Variants in DNAH7 observed in about 807,000 individuals in gnomAD.
DNAH7 encodes the protein dynein axonemal heavy chain 7, also known as axonemal beta dynein heavy chain 7.
Under a neutral mutation model 444.6 loss-of-function variants are expected in DNAH7, and 397 were observed. The observed-to-expected ratio is 0.89, with a 90% CI of 0.82 to 0.97. The LOEUF is 0.97. Among genes scored for constraint, DNAH7 ranks in the 50% least tolerant of loss-of-function variants. The pLI is 0.00. For synonymous variants in DNAH7, 1,636 were observed against 1,624.4 expected (o/e 1.01, Z -0.17); for missense variants, 4,902 against 4,800.8 (o/e 1.02, Z -0.62).
At chr2:195,908,502 G>A (rs532369997) in intron 25 of DNAH7, among the ~76,000 whole-genome samples, 40 of 151,984 alleles carry the variant, frequency 2.6e-4, no homozygotes, top group Admixed American at 2.2e-3. Context: ...ATTTCTTAGC[G>A]CCCACTTATG....
intron 19 of DNAH7, among the ~76,000 whole-genome samples, chr2:195,943,105 G>A (rs1457467630): frequency 6.6e-6 from 1 of 152,104 alleles, no homozygotes; most frequent in African/African-American, 2.4e-5. Flanking sequence ...TGTAAGATGT[G>A]ACTTTGCTTC....
In DNAH7 at chr2:195,990,957, TTAAA is replaced by T. The variant is rs1463615286; in HGVS notation, c.1354-2732_1354-2729del. Among the ~76,000 whole-genome samples, 15 of 141,800 alleles carry T rather than the reference TTAAA, an allele frequency of 1.1e-4. No individual in the cohort carries two copies. In the South Asian group the frequency reaches 2.4e-3, roughly 23 times the overall value. 93.0% of individuals were successfully genotyped at this position (141,800 alleles called of 152,430 possible). A position where few individuals can be genotyped will look rare whatever the true frequency, so the allele number is the denominator to read the frequency against. On this transcript the variant is annotated intron_variant, in intron 12 of 64. Coordinates refer to ENST00000312428, the MANE Select transcript of DNAH7 (RefSeq NM_018897.3). ...CTTAAATATATATACATATATATACTTAAATATATATACATATATATATATATAT... is the reference window on the plus strand; with the variant it reads ...CTTAAATATATATACATATATATACTTATATATACATATATATATATATAT...
chr2:195,972,975 G>A (rs78071348), intron 15 of DNAH7, among the ~76,000 whole-genome samples: 540 of 152,284 alleles, frequency 3.5e-3, no homozygotes, highest in African/African-American at 0.012. Context: ...CACACTGCTC[G>A]GAGCATATCA....
intron 29 of DNAH7, among the ~76,000 whole-genome samples, chr2:195,897,102 G>C (rs539477944): frequency 6.6e-6 from 1 of 152,208 alleles, no homozygotes; most frequent in Admixed American, 6.5e-5. Flanking sequence ...CTTCTACCTG[G>C]TATGGAGAAG....
intron 63 of DNAH7, among the ~76,000 whole-genome samples, chr2:195,750,981 C>A (rs1416429998): frequency 6.6e-6 from 1 of 151,958 alleles, no homozygotes; most frequent in African/African-American, 2.4e-5. Flanking sequence ...TTATTAGTGT[C>A]TTTTATGACA....
At chr2:196,023,322 T>C (rs1405460094) in intron 8 of DNAH7, among the ~76,000 whole-genome samples, 1 of 152,216 alleles carries the variant, frequency 6.6e-6, no homozygotes, top group Admixed American at 6.5e-5. Context: ...AGCAACATAC[T>C]TCCTATAAAA....
chr2:196,049,089 G>C (rs528869178), intron 3 of DNAH7, among the ~76,000 whole-genome samples: 8 of 152,164 alleles, frequency 5.3e-5, no homozygotes, highest in South Asian at 2.1e-4. Flanking sequence ...CCAGACAGTC[G>C]GATTTTAAAG....
chr2:195,820,222 A>G (rs1036054314), intron 49 of DNAH7, among the ~76,000 whole-genome samples: 11 of 151,740 alleles, frequency 7.2e-5, no homozygotes, highest in Non-Finnish European at 1.6e-4. Context: ...GCATGTTCTC[A>G]CTCGTAAGTG....
intron 60 of DNAH7, among the ~76,000 whole-genome samples, chr2:195,772,615 C>T (rs1375593242): frequency 1.3e-5 from 2 of 152,074 alleles, no homozygotes; most frequent in Admixed American, 6.6e-5. Context: ...TAAATAAATA[C>T]ATCTCATGTT....
At chr2:195,848,651 G>T (rs1196338480) in intron 46 of DNAH7, among the ~76,000 whole-genome samples, 1 of 152,250 alleles carries the variant, frequency 6.6e-6, no homozygotes, top group Non-Finnish European at 1.5e-5. Flanking sequence ...GTGTTGTCAG[G>T]AGACAGTGTA....
chr2:196,049,602 AT>A (rs1418463218), intron 3 of DNAH7, among the ~76,000 whole-genome samples: 1 of 152,254 alleles, frequency 6.6e-6, no homozygotes, highest in Non-Finnish European at 1.5e-5. Context: ...TTTTAAAAAA[AT>A]AATCCATAGC....
At chr2:195,799,806 C>T (rs1217037344) in intron 54 of DNAH7, among the ~76,000 whole-genome samples, 1 of 152,150 alleles carries the variant, frequency 6.6e-6, no homozygotes, top group Non-Finnish European at 1.5e-5. Flanking sequence ...CAAAAATTCA[C>T]AACTCAAAAG....
chr2:195,879,906 C>T (rs1033777521), intron 36 of DNAH7, among the ~76,000 whole-genome samples: 1 of 152,158 alleles, frequency 6.6e-6, no homozygotes, highest in Non-Finnish European at 1.5e-5. Context: ...CTTCCTACCA[C>T]TATCAAGATA....
chr2:195,994,703 C>A, intron 12 of DNAH7: 1 of 503,744 alleles, frequency 2.0e-6, no homozygotes. Context: ...CAACTTATAA[C>A]CATTTGGTCT....
chr2:195,783,208 A>G (rs1478690428), intron 58 of DNAH7, among the ~76,000 whole-genome samples: 2 of 152,200 alleles, frequency 1.3e-5, no homozygotes, highest in African/African-American at 4.8e-5. Flanking sequence ...TATCCATTGT[A>G]TCTCTACCAT....
Position 195,850,742 on chromosome 2 carries a change from A to C in DNAH7, c.8781+2601T>G, listed in dbSNP as rs538475926. ...TCTCTTAGTTTGGGTTCCCTGAAGC[A>C]GACTGTGGGATGAAGATTCATGTGA... On this transcript the variant is annotated intron_variant, in intron 46 of 64. Transcript: ENST00000312428. Among the ~76,000 whole-genome samples, 8 of 152,334 alleles carry C rather than the reference A, an allele frequency of 5.3e-5. No homozygotes were observed. In the South Asian group the frequency reaches 1.7e-3, roughly 32 times the overall value.
intron 33 of DNAH7, among the ~76,000 whole-genome samples, chr2:195,887,270 A>C (rs1701761803): frequency 6.6e-6 from 1 of 152,130 alleles, no homozygotes; most frequent in East Asian, 1.9e-4. Flanking sequence ...TGGAAAAAAA[A>C]CCCCATAAAG....
chr2:195,772,603 C>T (rs926212809), intron 60 of DNAH7, among the ~76,000 whole-genome samples: 2 of 152,198 alleles, frequency 1.3e-5, no homozygotes, highest in Non-Finnish European at 1.5e-5. Context: ...ACTATTAGAA[C>T]ATAAATAAAT....
intron 46 of DNAH7, among the ~76,000 whole-genome samples, chr2:195,848,869 A>C (rs915422312): frequency 2.0e-5 from 3 of 152,152 alleles, no homozygotes; most frequent in African/African-American, 7.2e-5. Context: ...GGTTGGGGTG[A>C]GGGCTTAGCA....
Sources: allele counts gnomAD v4.1 joint callset (sites outside exome capture counted in the v4.1 genomes callset), GRCh38; gene constraint gnomAD v4.1.1; transcripts MANE v1.5; gene names NCBI Gene and HGNC (gene_info 2026-07-23, HGNC 2026-07-21).